The following CCNY variants were observed in gnomAD, a reference collection of about 807,000 sequenced individuals.
The protein encoded by CCNY is cyclin Y.
A neutral mutation model predicts 42.8 loss-of-function variants in CCNY; 19 were observed. The observed-to-expected ratio is 0.44, with a 90% confidence interval of 0.31 to 0.65. The LOEUF is 0.65. Ranked by LOEUF, CCNY falls within the 30% of genes least tolerant of loss-of-function variation. The pLI, the probability that CCNY is intolerant of heterozygous loss-of-function variation, is 0.07. For synonymous variants in CCNY, 165 were observed against 162.7 expected, an observed-to-expected ratio of 1.01 and a Z score of -0.11; for missense variants, 370 against 437.3, an observed-to-expected ratio of 0.85 and a Z score of 1.37.
At chr10:35,479,228 C>T (rs1384109154) in intron 1 of CCNY, among the ~76,000 whole-genome samples, 1 of 151,520 alleles carries the variant, frequency 6.6e-6, no homozygotes, top group Non-Finnish European at 1.5e-5. Context: ...ACTAGAAATA[C>T]CATTTGACCC....
At chr10:35,259,171 G>A (rs7914560) in intron 3 of CCNY, among the ~76,000 whole-genome samples, 55,576 of 151,996 alleles carry the variant, frequency 0.37, 10,663 homozygotes, top group African/African-American at 0.49. Context: ...CCGATTCTTG[G>A]TGCTTCCTAT....
At chr10:35,488,216 T>C (rs940712190) in intron 2 of CCNY, among the ~76,000 whole-genome samples, 1 of 152,182 alleles carries the variant, frequency 6.6e-6, no homozygotes, top group African/African-American at 2.4e-5. Context: ...GAAATAAAAA[T>C]ATGATTCTTA....
chr10:35,299,086 A>G (rs1173912485), intron 3 of CCNY, among the ~76,000 whole-genome samples: 1 of 152,184 alleles, frequency 6.6e-6, no homozygotes, highest in Non-Finnish European at 1.5e-5. Flanking sequence ...GCAGTGTAGA[A>G]GAGTTCCAGT....
chr10:35,284,799 T>C (rs1835335467), intron 3 of CCNY, among the ~76,000 whole-genome samples: 2 of 152,136 alleles, frequency 1.3e-5, no homozygotes, highest in African/African-American at 4.8e-5. Flanking sequence ...CCCACAAATT[T>C]TGATATGTTC....
intron 1 of CCNY, among the ~76,000 whole-genome samples, chr10:35,478,736 C>CT (rs1839582243): frequency 6.6e-6 from 1 of 152,120 alleles, no homozygotes; most frequent in Non-Finnish European, 1.5e-5. Context: ...TGGGCAAGGA[C>CT]TTCATGTCTA....
intron 1 of CCNY, chr10:35,449,677 C>A: frequency 1.2e-6 from 1 of 846,774 alleles, no homozygotes; most frequent in Non-Finnish European, 1.4e-6. Flanking sequence ...AGTAGGGGGG[C>A]CGGCCCCAGG....
chr10:35,265,668 C>A (rs2095724452), intron 3 of CCNY, among the ~76,000 whole-genome samples: 1 of 152,236 alleles, frequency 6.6e-6, no homozygotes, highest in South Asian at 2.1e-4. Context: ...TGAGGATGCA[C>A]ACAGGCGTCC....
intron 1 of CCNY, among the ~76,000 whole-genome samples, chr10:35,393,997 A>G (rs1837471084): frequency 6.6e-6 from 1 of 152,246 alleles, no homozygotes; most frequent in Non-Finnish European, 1.5e-5. Flanking sequence ...TTGTCCAGAG[A>G]CAGGGATGTG....
rs1841673750 is a variant in CCNY at position 35,570,936 on chromosome 10, CGTT to C, written c.*1767_*1769del. On this transcript the variant is annotated 3_prime_UTR_variant, in exon 10 of 10. Transcript: ENST00000374704. The stretch of plus-strand genomic sequence containing the variant: ...AAAAGCAAATAAACAGCATATAAAA[CGTT>C]AATTATCTTTCCATTGTAATTGTGA... The C allele has an allele frequency of 6.6e-6, 1 of 152,284 alleles. No individual in the cohort carries two copies. The highest frequency in any genetic ancestry group is 6.5e-5 in the Admixed American group (1 of 15,274). The allele number at this position is 152,284 out of a possible 1,614,324, so 9.4% of individuals were successfully genotyped here.
chr10:35,521,978 C>T (rs190506748), intron 4 of CCNY, among the ~76,000 whole-genome samples: 7 of 152,250 alleles, frequency 4.6e-5, no homozygotes, highest in African/African-American at 1.7e-4. Context: ...AAACGGGTGT[C>T]AAGGAGCCAA....
At chr10:35,505,309 G>A (rs1840193419) in intron 3 of CCNY, among the ~76,000 whole-genome samples, 1 of 151,768 alleles carries the variant, frequency 6.6e-6, no homozygotes, top group African/African-American at 2.4e-5. Context: ...CAGAATGAAT[G>A]AGGAGTTGAA....
intron 3 of CCNY, among the ~76,000 whole-genome samples, chr10:35,275,291 C>T (rs1410447810): frequency 6.6e-6 from 1 of 151,336 alleles, no homozygotes; most frequent in African/African-American, 2.4e-5. Context: ...GTTTTGAACT[C>T]CTGACCTCAA....
In CCNY at chr10:35,485,918, C is replaced by T. The variant is rs1278297138; in HGVS notation, c.229+2440C>T. ...TATTTGTCCCTCTAATGTAGTATTTCCCAGGGTCTCTTGTTTACCCTCTTA... is the reference window on the plus strand; with the variant it reads ...TATTTGTCCCTCTAATGTAGTATTTTCCAGGGTCTCTTGTTTACCCTCTTA... On this transcript the variant is annotated intron_variant, in intron 2 of 9. Coordinates refer to ENST00000374704, the MANE Select transcript of CCNY (RefSeq NM_145012.6). Among the ~76,000 whole-genome samples, 23 of 152,148 alleles carry T rather than the reference C, an allele frequency of 1.5e-4. 1 individual carries two copies. The highest frequency in any genetic ancestry group is 1.5e-5 in the Non-Finnish European group (1 of 68,018).
upstream of CCNY, among the ~76,000 whole-genome samples, chr10:35,334,433 T>G (rs1215196766): frequency 1.3e-5 from 2 of 152,150 alleles, no homozygotes; most frequent in Admixed American, 1.3e-4. Flanking sequence ...TCCCACGGGT[T>G]CAGCAATCTG....
At chr10:35,488,768 A>C (rs1193469078) in intron 2 of CCNY, among the ~76,000 whole-genome samples, 4 of 152,200 alleles carry the variant, frequency 2.6e-5, no homozygotes, top group Non-Finnish European at 5.9e-5. Flanking sequence ...TCTTTAACAA[A>C]TATTTCAGAT....
intron 3 of CCNY, among the ~76,000 whole-genome samples, chr10:35,318,555 T>C (rs2135093055): frequency 6.6e-6 from 1 of 152,310 alleles, no homozygotes; most frequent in South Asian, 2.1e-4. Flanking sequence ...GTAGCTACTT[T>C]ATGCTCCTGT....
At chr10:35,365,629 T>G (rs1176028352) in intron 1 of CCNY, among the ~76,000 whole-genome samples, 1 of 152,218 alleles carries the variant, frequency 6.6e-6, no homozygotes, top group East Asian at 1.9e-4. Flanking sequence ...CTTTGTATGC[T>G]TAGAAACTGC....
At chr10:35,496,283 G>A (rs765711961) in intron 2 of CCNY, among the ~76,000 whole-genome samples, 47 of 152,328 alleles carry the variant, frequency 3.1e-4, no homozygotes, top group Non-Finnish European at 5.7e-4. Context: ...AATGGGACTC[G>A]TTTTATGCAG....
At chr10:35,469,659 G>A (rs889437708) in intron 1 of CCNY, among the ~76,000 whole-genome samples, 1 of 151,592 alleles carries the variant, frequency 6.6e-6, no homozygotes, top group African/African-American at 2.4e-5. Context: ...GGGCAATGGA[G>A]AGTCAGACGG....
Sources: gnomAD v4.1 joint callset for allele counts (sites outside exome capture counted in the v4.1 genomes callset) on GRCh38, gnomAD v4.1.1 for gene constraint, MANE v1.5 for transcripts, NCBI Gene and HGNC (gene_info 2026-07-23, HGNC 2026-07-21) for gene names.